Variants in SEMA3D observed in about 807,000 individuals in gnomAD.
SEMA3D encodes semaphorin 3D, also known as semaphorin-3D.
A neutral mutation model predicts 100.1 loss-of-function variants in SEMA3D; 84 were observed. The ratio of observed to expected loss-of-function variants is 0.84; its 90% CI spans 0.70 to 1.01. The LOEUF is 1.01. SEMA3D is among the 50% of genes least tolerant of loss of function. The pLI, the probability that SEMA3D is intolerant of heterozygous loss-of-function variation, is 0.00. For missense variants in SEMA3D, 875 were observed against 934.1 expected (o/e 0.94, Z 0.82); for synonymous variants, 312 against 320.7 (o/e 0.97, Z 0.29).
At chr7:85,100,633 T>C (rs1163347185) in intron 3 of SEMA3D, among the ~76,000 whole-genome samples, 1 of 151,910 alleles carries the variant, frequency 6.6e-6, no homozygotes, top group African/African-American at 2.4e-5. Flanking sequence ...AAAAGTATCA[T>C]GGCAGTTCTA....
chr7:85,194,687 G>A, the SEMA3D span, among the ~76,000 whole-genome samples: 1 of 152,084 alleles, frequency 6.6e-6, no homozygotes, highest in African/African-American at 2.4e-5. Flanking sequence ...GTTTTCTAGA[G>A]CTGCCATAAT....
At chr7:85,235,243 C>T in the SEMA3D span, among the ~76,000 whole-genome samples, 7 of 152,160 alleles carry the variant, frequency 4.6e-5, no homozygotes, top group South Asian at 1.2e-3. Flanking sequence ...ATTTCTCTTC[C>T]AAATTTTCTT....
At chr7:85,098,747 A>C (rs1252863021) in intron 3 of SEMA3D, among the ~76,000 whole-genome samples, 5 of 151,932 alleles carry the variant, frequency 3.3e-5, no homozygotes, top group African/African-American at 1.2e-4. Flanking sequence ...TATTTCAACA[A>C]AGGAATGATG....
chr7:85,126,244 T>C (rs944777717), intron 2 of SEMA3D, among the ~76,000 whole-genome samples: 6 of 152,066 alleles, frequency 3.9e-5, no homozygotes, highest in African/African-American at 9.7e-5. Context: ...TATGCATTGG[T>C]TCCAAAAGTC....
chr7:85,052,761 T>G (rs2372510), intron 9 of SEMA3D, among the ~76,000 whole-genome samples: 38,870 of 151,890 alleles, frequency 0.26, 5,072 homozygotes, highest in Non-Finnish European at 0.3. Context: ...CTACACTAAT[T>G]GTCTAGTATA....
chr7:85,045,348 T>C (rs562950832), intron 9 of SEMA3D, among the ~76,000 whole-genome samples: 1 of 152,132 alleles, frequency 6.6e-6, no homozygotes, highest in African/African-American at 2.4e-5. Context: ...TGTTATTAAG[T>C]GCACATGAAG....
At chr7:85,210,692 G>A in the SEMA3D span, among the ~76,000 whole-genome samples, 1 of 152,000 alleles carries the variant, frequency 6.6e-6, no homozygotes, top group Non-Finnish European at 1.5e-5. Context: ...ACCATATTCA[G>A]AAATGGAAAC....
intron 12 of SEMA3D, chr7:85,027,720 T>C: frequency 3.2e-6 from 1 of 315,870 alleles, no homozygotes; most frequent in South Asian, 3.0e-5. Context: ...ATGTTTGTTT[T>C]CCCAACATAA....
the SEMA3D span, among the ~76,000 whole-genome samples, chr7:85,237,621 C>A: frequency 6.6e-6 from 1 of 152,096 alleles, no homozygotes; most frequent in Admixed American, 6.5e-5. Context: ...TAGCTAATTT[C>A]TTTTCATTGC....
intron 4 of SEMA3D, among the ~76,000 whole-genome samples, chr7:85,096,387 A>T (rs926525983): frequency 1.3e-5 from 2 of 151,926 alleles, no homozygotes; most frequent in Non-Finnish European, 2.9e-5. Flanking sequence ...ATTTTATTTT[A>T]TGTTAAACAA....
chr7:85,231,134 C>T, the SEMA3D span, among the ~76,000 whole-genome samples: 1 of 152,248 alleles, frequency 6.6e-6, no homozygotes, highest in East Asian at 1.9e-4. Flanking sequence ...TCTCAGGTCT[C>T]TTCCTTTCTC....
rs1790149878 is a variant in SEMA3D, at chr7:85,144,650, A to C, written c.-41+8958T>G. Reference sequence around the variant, plus strand: ...TTTTTCCTTTGGGAACTGGCCTGCAATATCCAACATTTAAGTCAGCCTGGA... The same window carrying C: ...TTTTTCCTTTGGGAACTGGCCTGCACTATCCAACATTTAAGTCAGCCTGGA... On this transcript the variant is annotated intron_variant, in intron 2 of 18. Transcript: ENST00000284136. 9 of 985,076 alleles carry C rather than the reference A, an allele frequency of 9.1e-6. No homozygotes were observed. The South Asian group carries it at 4.2e-4, about 46-fold the overall frequency. 61.0% of individuals were successfully genotyped at this position (985,076 alleles called of 1,614,324 possible). A position where few individuals can be genotyped will look rare whatever the true frequency, so the allele number is the denominator to read the frequency against.
At chr7:85,133,263 T>C (rs1789777237) in intron 2 of SEMA3D, among the ~76,000 whole-genome samples, 2 of 151,964 alleles carry the variant, frequency 1.3e-5, no homozygotes, top group Admixed American at 6.6e-5. Context: ...TGAGCTGTGT[T>C]TAGTCTCATC....
At chr7:85,248,469 C>T in the SEMA3D span, among the ~76,000 whole-genome samples, 3 of 152,184 alleles carry the variant, frequency 2.0e-5, no homozygotes, top group Admixed American at 2.0e-4. Context: ...AGTTGTGGTC[C>T]CTGGTATTTA....
At chr7:85,205,168 C>T in the SEMA3D span, among the ~76,000 whole-genome samples, 1 of 151,954 alleles carries the variant, frequency 6.6e-6, no homozygotes. Context: ...GTTTGAGTTC[C>T]TTGTATACAC....
At chr7:85,234,678 C>T in the SEMA3D span, among the ~76,000 whole-genome samples, 1,210 of 152,100 alleles carry the variant, frequency 8.0e-3, 9 homozygotes, top group Non-Finnish European at 0.011. Context: ...AAAAGATATC[C>T]AGTGTAAAAT....
chr7:85,115,116 A>G (rs1789201188), intron 3 of SEMA3D, among the ~76,000 whole-genome samples: 1 of 152,220 alleles, frequency 6.6e-6, no homozygotes, highest in African/African-American at 2.4e-5. Context: ...AGTTTTGGTC[A>G]AATATCAGCA....
At chr7:85,232,075 A>G in the SEMA3D span, among the ~76,000 whole-genome samples, 1 of 152,268 alleles carries the variant, frequency 6.6e-6, no homozygotes, top group African/African-American at 2.4e-5. Context: ...TTGGGACAGA[A>G]AACAGATATA....
chr7:85,014,123 T>C (rs922395530), intron 16 of SEMA3D, among the ~76,000 whole-genome samples: 2 of 151,828 alleles, frequency 1.3e-5, no homozygotes, highest in Non-Finnish European at 2.9e-5. Flanking sequence ...AATTTGTAAT[T>C]TCCTAGAATT....
Sources: allele counts gnomAD v4.1 joint callset (sites outside exome capture counted in the v4.1 genomes callset), GRCh38; gene constraint gnomAD v4.1.1; transcripts MANE v1.5; gene names NCBI Gene and HGNC (gene_info 2026-07-23, HGNC 2026-07-21).